MROH9: variants seen among roughly 807,000 people sequenced by gnomAD.
The protein encoded by MROH9 is maestro heat-like repeat-containing protein family member 9.
Under a neutral mutation model 98.2 loss-of-function variants are expected in MROH9, and 92 were observed. The ratio of observed to expected loss-of-function variants is 0.94; its 90% confidence interval spans 0.79 to 1.11. MROH9 has a LOEUF of 1.11. Ranked by LOEUF, MROH9 falls within the 50% of genes most tolerant of loss-of-function variation. The pLI is 0.00. For missense variants in MROH9, 1,057 were observed against 1,014.8 expected (o/e 1.04, Z -0.57); for synonymous variants, 397 against 368.9 (o/e 1.08, Z -0.87).
chr1:171,055,133 G>A (rs1653795859), intron 20 of MROH9, among the ~76,000 whole-genome samples: 1 of 151,974 alleles, frequency 6.6e-6, no homozygotes, highest in Non-Finnish European at 1.5e-5. Flanking sequence ...ATCAACAAAT[G>A]GATAAAGAAA....
At chr1:170,955,930 A>G (rs1300828617) in intron 3 of MROH9, among the ~76,000 whole-genome samples, 1 of 152,168 alleles carries the variant, frequency 6.6e-6, no homozygotes, top group East Asian at 1.9e-4. Context: ...GTTATCTTCT[A>G]GAATTTTTAT....
At chr1:170,958,939 A>T (rs894802796) in intron 4 of MROH9, among the ~76,000 whole-genome samples, 8 of 152,184 alleles carry the variant, frequency 5.3e-5, no homozygotes, top group Non-Finnish European at 1.0e-4. Context: ...ATATATTCTG[A>T]TTTCTACATA....
At chr1:170,973,726 T>C (rs1252850126) in intron 8 of MROH9, among the ~76,000 whole-genome samples, 1 of 151,940 alleles carries the variant, frequency 6.6e-6, no homozygotes, top group Non-Finnish European at 1.5e-5. Flanking sequence ...AAATACAAAA[T>C]TAGCTGAGCA....
Position 171,027,515 on chromosome 1 carries a change from A to T in MROH9, c.2281+2095A>T, listed in dbSNP as rs542358062. Among the ~76,000 whole-genome samples, 12 of 152,318 alleles carry T rather than the reference A, an allele frequency of 7.9e-5. No homozygotes were observed. The South Asian group carries it at 2.1e-3, about 26-fold the overall frequency. Reference sequence around the variant, plus strand: ...TTTTAAATGGTGCTGCAATAAACATACATGTGCACTTGTCTTTATAGTAAA... The same window carrying T: ...TTTTAAATGGTGCTGCAATAAACATTCATGTGCACTTGTCTTTATAGTAAA... On this transcript the variant is annotated intron_variant, in intron 20 of 21. Coordinates refer to ENST00000367759, the MANE Select transcript of MROH9 (RefSeq NM_001163629.2).
chr1:170,994,462 A>T (rs183633493), intron 12 of MROH9, among the ~76,000 whole-genome samples: 4 of 152,252 alleles, frequency 2.6e-5, no homozygotes, highest in East Asian at 3.9e-4. Context: ...TTAATTTTTT[A>T]AAAAATTTTC....
chr1:170,944,348 G>A (rs1213653485), intron 1 of MROH9, among the ~76,000 whole-genome samples: 1 of 151,444 alleles, frequency 6.6e-6, no homozygotes, highest in Non-Finnish European at 1.5e-5. Context: ...TACAAAGTAA[G>A]GAGAAAAACA....
intron 9 of MROH9, among the ~76,000 whole-genome samples, chr1:170,984,034 C>A (rs971815409): frequency 6.6e-6 from 1 of 152,202 alleles, no homozygotes; most frequent in African/African-American, 2.4e-5. Context: ...TTTACACTGT[C>A]TCGACCCTTG....
At chr1:171,033,406 G>A (rs1652992892) in intron 20 of MROH9, among the ~76,000 whole-genome samples, 2 of 152,224 alleles carry the variant, frequency 1.3e-5, no homozygotes, top group African/African-American at 4.8e-5. Flanking sequence ...TTCGTGAATG[G>A]GATCTTCCAA....
Position 170,958,507 on chromosome 1 carries a change from G to C in MROH9, c.119G>C (p.Ser40Thr). 2 of 1,593,786 alleles carry C rather than the reference G, an allele frequency of 1.3e-6. No individual in the cohort carries two copies. The highest frequency in any genetic ancestry group is 1.7e-6 in the Non-Finnish European group (2 of 1,166,040). The change falls in exon 4 of 22, where the codon AGT becomes ACT. Residue 40 changes from serine (S) to threonine (T), a missense_variant. Physicochemically the swap from Ser to Thr is moderately conservative, Grantham distance 58 (BLOSUM62 1). Transcript: ENST00000367759. Reference sequence around the variant, plus strand: ...TTGGATGCATACTCAGGCCTGTTAAGTAATGAATCCATGATCCTGGCTGTG... The same window carrying C: ...TTGGATGCATACTCAGGCCTGTTAACTAATGAATCCATGATCCTGGCTGTG... ...SLLDAYSGLL[S>T]NESMILAVNS...
chr1:171,059,841 G>A (rs891030941), intron 20 of MROH9, among the ~76,000 whole-genome samples: 1 of 152,102 alleles, frequency 6.6e-6, no homozygotes, highest in Non-Finnish European at 1.5e-5. Flanking sequence ...AGAACACATG[G>A]ACACAGGGAG....
intron 20 of MROH9, among the ~76,000 whole-genome samples, chr1:171,037,410 C>T (rs7881161): frequency 0.82 from 124,028 of 151,820 alleles, 51,366 homozygotes; most frequent in African/African-American, 0.95. Context: ...CTTTAAAATA[C>T]ATGCAATATT....
intron 1 of MROH9, among the ~76,000 whole-genome samples, chr1:170,937,144 T>A (rs1438377110): frequency 6.6e-6 from 1 of 152,128 alleles, no homozygotes; most frequent in Non-Finnish European, 1.5e-5. Flanking sequence ...GGGAATTGGG[T>A]TTTCTTACAT....
intron 8 of MROH9, among the ~76,000 whole-genome samples, chr1:170,975,574 C>A (rs1650652723): frequency 6.6e-6 from 1 of 152,122 alleles, no homozygotes; most frequent in Non-Finnish European, 1.5e-5. Flanking sequence ...TTTTATGAGT[C>A]TCTAATGTCT....
chr1:170,995,672 T>C (rs1342698708), intron 13 of MROH9, 141 bp downstream of exon 13: 14 of 987,054 alleles, frequency 1.4e-5, no homozygotes, highest in Non-Finnish European at 2.0e-5. Context: ...CTCCTCTGAA[T>C]GGTAGAATGC....
At chr1:171,018,153 A>G (rs545828476) in intron 17 of MROH9, among the ~76,000 whole-genome samples, 1 of 152,260 alleles carries the variant, frequency 6.6e-6, no homozygotes, top group East Asian at 1.9e-4. Context: ...CACAGGCATC[A>G]GGTTGGTGCC....
At chr1:170,987,407 A>G (rs1272720422) in intron 10 of MROH9, among the ~76,000 whole-genome samples, 3 of 152,206 alleles carry the variant, frequency 2.0e-5, no homozygotes, top group Non-Finnish European at 1.5e-5. Context: ...CTCAGTGCAC[A>G]ACGAAATCTG....
intron 20 of MROH9, among the ~76,000 whole-genome samples, chr1:171,051,046 A>C (rs1020845627): frequency 3.3e-5 from 5 of 152,048 alleles, no homozygotes; most frequent in Non-Finnish European, 5.9e-5. Flanking sequence ...GTTCTGTTGG[A>C]TTTGATTTGC....
At chr1:171,004,886 T>C (rs1651904666) in intron 15 of MROH9, among the ~76,000 whole-genome samples, 1 of 152,152 alleles carries the variant, frequency 6.6e-6, no homozygotes, top group South Asian at 2.1e-4. Context: ...AGCTTTGTAA[T>C]ATATTTTGAA....
rs763498885 is a variant in MROH9, at chr1:170,958,559, C to T, written c.152+19C>T. 2 of 1,505,460 alleles carry T rather than the reference C, an allele frequency of 1.3e-6. No individual in the cohort carries two copies. The highest frequency in any genetic ancestry group is 1.2e-5 in the South Asian group (1 of 80,412). The allele number at this position is 1,505,460 out of a possible 1,614,324, so 93.3% of individuals were successfully genotyped here. On this transcript the variant is annotated intron_variant, in intron 4 of 21. Coordinates refer to ENST00000367759, the MANE Select transcript of MROH9 (RefSeq NM_001163629.2). ...ACTCCAGGTATGATAAGCTATCATG[C>T]TCTTTTATTTCACTAATTGGATGCA...
Sources: gnomAD v4.1 joint callset for allele counts (sites outside exome capture counted in the v4.1 genomes callset) on GRCh38, gnomAD v4.1.1 for gene constraint, MANE v1.5 for transcripts, NCBI Gene and HGNC (gene_info 2026-07-23, HGNC 2026-07-21) for gene names.